The following THAP12 variants were observed in gnomAD, a reference collection of about 807,000 sequenced individuals.
THAP12 encodes the protein 52 kDa repressor of the inhibitor of the protein kinase.
In THAP12, 20 loss-of-function variants were observed where a neutral mutation model predicts 63.0. That is an observed-to-expected ratio of 0.32 (90% CI 0.22 to 0.46). The LOEUF (loss-of-function observed/expected upper bound fraction) is 0.46, where lower values mean the gene tolerates loss of function less well. Ranked by LOEUF, THAP12 falls within the 20% of genes least tolerant of loss-of-function variation. The pLI is 1.00. For synonymous variants in THAP12, 264 were observed against 328.4 expected, an observed-to-expected ratio of 0.80 and a Z score of 2.12; for missense variants, 568 against 908.2, an observed-to-expected ratio of 0.63 and a Z score of 4.81.
At chr11:76,352,982 G>A (rs913894120) in intron 4 of THAP12, among the ~76,000 whole-genome samples, 188 bp from the exon 5 acceptor site, 5 of 152,140 alleles carry the variant, frequency 3.3e-5, no homozygotes, top group Admixed American at 2.6e-4. Context: ...ATCCTAGTGG[G>A]AGAGACAAAC....
At chr11:76,366,498 G>A (rs1430807324) in intron 1 of THAP12, among the ~76,000 whole-genome samples, 4 of 152,148 alleles carry the variant, frequency 2.6e-5, no homozygotes, top group Admixed American at 6.5e-5. Context: ...TGGCTAACCC[G>A]GTGAAACCCC....
chr11:76,363,337 A>G (rs1381053174), intron 2 of THAP12, among the ~76,000 whole-genome samples: 1 of 152,148 alleles, frequency 6.6e-6, no homozygotes, highest in African/African-American at 2.4e-5. Context: ...CTCCGGCCAA[A>G]TTCAGTAGTC....
chr11:76,352,388 C>T lies in THAP12; in HGVS notation c.762G>A (p.Val254=). 6.2e-7 allele frequency: 1 copy of T among 1,611,982 alleles called. No homozygotes were observed. ...TAATGGAAAAGAAGTGTGAGTCTCT[C>T]ACTTCCCTGAGAGTTTCTTCTCGAA... ...SCIREETLRE[V]RDSHFFSIIT... The change falls in exon 5 of 5, where the codon GTG becomes GTA. Residue 254 remains valine, a synonymous_variant. Transcript: ENST00000260045.
In THAP12 at chr11:76,352,742, A is replaced by T; in HGVS notation, c.408T>A (p.Asn136Lys). The T allele has an allele frequency of 6.4e-7, 1 of 1,568,806 alleles. No homozygotes were observed. Among genetic ancestry groups the T allele is most frequent in the Non-Finnish European group, 8.6e-7 (1 of 1,160,812 alleles). The part of the protein sequence containing the change: ...EQKHKETNNS[N>K]AQNPSEEEGE... ...CCTCTTCTTCGCTGGGGTTCTGAGC[A>T]TTGCTATTGTTGGTTTCTTTATGTT... The change falls in exon 5 of 5, where the codon AAT (asparagine) becomes AAA (lysine). Residue 136 changes from asparagine to lysine, a missense_variant. Transcript: ENST00000260045.
intron 1 of THAP12, among the ~76,000 whole-genome samples, chr11:76,375,866 A>T (rs1237384755): frequency 6.6e-6 from 1 of 152,180 alleles, no homozygotes; most frequent in Non-Finnish European, 1.5e-5. Flanking sequence ...GAAACTATCA[A>T]ATACAGTAGA....
At chr11:76,380,698 G>A (rs1375724467) in intron 1 of THAP12, 50 bp downstream of exon 1, 2 of 1,291,504 alleles carry the variant, frequency 1.5e-6, no homozygotes, top group Admixed American at 7.9e-5. Flanking sequence ...GGCTGGCAGC[G>A]CTCACCGCGA....
intron 2 of THAP12, among the ~76,000 whole-genome samples, chr11:76,362,606 T>C (rs893939553): frequency 1.3e-5 from 2 of 151,944 alleles, no homozygotes; most frequent in African/African-American, 4.8e-5. Flanking sequence ...CTGAAGGGAG[T>C]ACAAGTTATT....
chr11:76,356,502 C>T (rs1397738053), intron 3 of THAP12: 2 of 152,170 alleles, frequency 1.3e-5, no homozygotes, highest in Non-Finnish European at 2.9e-5. Context: ...AGCTACAGGA[C>T]AGCAAGTGAT....
chr11:76,355,476 C>T, intron 4 of THAP12, 142 bp downstream of exon 4: 2 of 737,434 alleles, frequency 2.7e-6, no homozygotes, highest in South Asian at 5.4e-5. Flanking sequence ...TAGATAATTC[C>T]AAAACACAGG....
At chr11:76,369,429 C>A (rs1278164310) in intron 1 of THAP12, among the ~76,000 whole-genome samples, 1 of 152,230 alleles carries the variant, frequency 6.6e-6, no homozygotes, top group Non-Finnish European at 1.5e-5. Context: ...AATTCTAGAA[C>A]AGGCAAAACT....
intron 1 of THAP12, among the ~76,000 whole-genome samples, chr11:76,376,278 G>GTC (rs1946709611): frequency 1.3e-5 from 2 of 152,222 alleles, no homozygotes; most frequent in Non-Finnish European, 2.9e-5. Context: ...TGAATTATAT[G>GTC]TGAATTGCAT....
At chr11:76,365,670 C>A (rs566446090) in intron 2 of THAP12, among the ~76,000 whole-genome samples, 182 bp downstream of exon 2, 2 of 152,070 alleles carry the variant, frequency 1.3e-5, no homozygotes, top group African/African-American at 4.8e-5. Context: ...TATAGGCCCC[C>A]GGCAAAATCA....
intron 1 of THAP12, among the ~76,000 whole-genome samples, chr11:76,371,056 C>G (rs1946670963): frequency 6.6e-6 from 1 of 152,054 alleles, no homozygotes; most frequent in African/African-American, 2.4e-5. Context: ...GGAATGACTC[C>G]CCAAATCCAT....
At chr11:76,376,848 G>A (rs942125560) in intron 1 of THAP12, among the ~76,000 whole-genome samples, 3 of 152,048 alleles carry the variant, frequency 2.0e-5, no homozygotes, top group Non-Finnish European at 2.9e-5. Flanking sequence ...TAATACAAAT[G>A]ACCTGTGGTC....
At chr11:76,370,834 A>AG (rs1299148121) in intron 1 of THAP12, among the ~76,000 whole-genome samples, 131 of 131,040 alleles carry the variant, frequency 1.0e-3, no homozygotes, top group African/African-American at 3.7e-3. Flanking sequence ...AAAAAAGAAA[A>AG]AAAAAAAAAA....
intron 4 of THAP12, among the ~76,000 whole-genome samples, chr11:76,353,340 G>A (rs1014542315): frequency 6.6e-6 from 1 of 152,084 alleles, no homozygotes; most frequent in African/African-American, 2.4e-5. Flanking sequence ...AGGTGGTATC[G>A]GCCCCACTTG....
At chr11:76,378,348 A>C (rs1946725704) in intron 1 of THAP12, among the ~76,000 whole-genome samples, 1 of 152,200 alleles carries the variant, frequency 6.6e-6, no homozygotes, top group Non-Finnish European at 1.5e-5. Flanking sequence ...GTTTGTGAAC[A>C]TCGGTGGCAG....
chr11:76,358,436 T>C (rs1302165518), intron 3 of THAP12: 1 of 152,172 alleles, frequency 6.6e-6, no homozygotes, highest in East Asian at 1.9e-4. Flanking sequence ...GTATTACTTA[T>C]TGCATTAAAG....
intron 1 of THAP12, among the ~76,000 whole-genome samples, chr11:76,367,142 T>A (rs1946637065): frequency 6.6e-6 from 1 of 152,030 alleles, no homozygotes; most frequent in African/African-American, 2.4e-5. Flanking sequence ...AATGCCATGA[T>A]CTTGGCTCAC....
Sources: allele counts gnomAD v4.1 joint callset (sites outside exome capture counted in the v4.1 genomes callset), GRCh38; gene constraint gnomAD v4.1.1; transcripts MANE v1.5; gene names NCBI Gene and HGNC (gene_info 2026-07-23, HGNC 2026-07-21).